The following LANCL1 variants were observed in gnomAD, a reference collection of about 807,000 sequenced individuals.
The protein encoded by LANCL1 is LanC like glutathione S-transferase 1, also known as glutathione S-transferase LANCL1.
LANCL1 carries 50 observed loss-of-function variants against 50.6 expected under a neutral mutation model. That is an observed-to-expected ratio of 0.99 (90% CI 0.79 to 1.25). The LOEUF (loss-of-function observed/expected upper bound fraction) is 1.25. Among genes scored for constraint, LANCL1 ranks in the 50% most tolerant of loss-of-function variants. The pLI, the probability that LANCL1 is intolerant of heterozygous loss-of-function variation, is 0.00. For missense variants in LANCL1, 532 were observed against 480.7 expected (o/e 1.11, Z -1.00); for synonymous variants, 188 against 178.6 (o/e 1.05, Z -0.42).
At position 210,455,599 on chromosome 2, in the gene LANCL1, T is replaced by A. The variant is rs1046293769; in HGVS notation, c.200-285A>T. ...CAATAAAGAGACACACAGCCTATTA[T>A]TAGTCTTTGTTGTACTCTGGTTATT... On this transcript the variant is annotated intron_variant, in intron 3 of 9. Coordinates refer to ENST00000450366, the MANE Select transcript of LANCL1 (RefSeq NM_006055.3). Among the ~76,000 whole-genome samples, 16 of 152,314 alleles carry A rather than the reference T, an allele frequency of 1.1e-4. No homozygotes were observed. In the East Asian group the frequency reaches 3.1e-3, roughly 29 times the overall value.
chr2:210,437,619 G>T, intron 7 of LANCL1, 71 bp downstream of exon 7: 1 of 906,114 alleles, frequency 1.1e-6, no homozygotes, highest in Non-Finnish European at 1.6e-6. Context: ...TTATGGATTA[G>T]GATAAAACTA....
intron 9 of LANCL1, 49 bp downstream of exon 9, chr2:210,435,338 G>T: frequency 7.2e-7 from 1 of 1,396,268 alleles, no homozygotes; most frequent in Non-Finnish European, 1.0e-6. Flanking sequence ...ACCAAGCAGA[G>T]AAGTAGATGC....
intron 4 of LANCL1, among the ~76,000 whole-genome samples, chr2:210,445,903 A>T (rs932670941): frequency 3.3e-5 from 5 of 152,208 alleles, no homozygotes; most frequent in African/African-American, 1.2e-4. Context: ...TGTAACTTTA[A>T]AAACAGATGT....
At chr2:210,451,989 A>G (rs76971282) in intron 4 of LANCL1, among the ~76,000 whole-genome samples, 2,627 of 152,276 alleles carry the variant, frequency 0.017, 40 homozygotes, top group Non-Finnish European at 0.03. Flanking sequence ...AAATTCATAG[A>G]AAAAGTAGAA....
At chr2:210,463,634 C>CT (rs1693942776) in intron 3 of LANCL1, among the ~76,000 whole-genome samples, 1 of 152,030 alleles carries the variant, frequency 6.6e-6, no homozygotes, top group South Asian at 2.1e-4. Flanking sequence ...TTTTATTATT[C>CT]TTTTTTTGAA....
intron 3 of LANCL1, among the ~76,000 whole-genome samples, chr2:210,459,637 C>G (rs981752367): frequency 6.6e-6 from 1 of 152,034 alleles, no homozygotes; most frequent in African/African-American, 2.4e-5. Flanking sequence ...CTCTGAAGAC[C>G]AGGAATAGAT....
rs771054466 is a variant in LANCL1, at chr2:210,472,058, G to T, written c.100C>A (p.Gln34Lys). 4 of 1,613,668 alleles carry T rather than the reference G, an allele frequency of 2.5e-6. No homozygotes were observed. Among genetic ancestry groups the T allele is most frequent in the Admixed American group, 1.7e-5 (1 of 60,010 alleles). Residue 34 changes from glutamine (Q) to lysine (K), a missense_variant, in exon 3 of 10, where the codon CAA (glutamine) becomes AAA (lysine). Coordinates refer to ENST00000450366, the MANE Select transcript of LANCL1 (RefSeq NM_006055.3). ...AAGRLTPEFS[Q>K]RLTNKIRELL... ...TCCCGAATCTTATTGGTCAAGCGTT[G>T]TGAGAACTCAGGAGTCAGCTAGATA... is the stretch of plus-strand genomic sequence containing the variant.
intron 8 of LANCL1, 87 bp from the exon 9 acceptor site, chr2:210,435,546 T>C (rs763440684): frequency 1.2e-5 from 12 of 995,130 alleles, no homozygotes; most frequent in Non-Finnish European, 1.9e-5. Flanking sequence ...CAAATTACTC[T>C]GAAAAATCAA....
chr2:210,455,367 T>C (rs1693641837), intron 3 of LANCL1, 53 bp from the exon 4 acceptor site: 1 of 1,482,620 alleles, frequency 6.7e-7, no homozygotes, highest in Non-Finnish European at 9.2e-7. Flanking sequence ...AGTTATTTTA[T>C]TATTTTTGGC....
At chr2:210,458,821 G>A (rs923045137) in intron 3 of LANCL1, among the ~76,000 whole-genome samples, 15 of 152,040 alleles carry the variant, frequency 9.9e-5, no homozygotes, top group Non-Finnish European at 1.3e-4. Context: ...CACTTAATGA[G>A]AAAAAACATT....
intron 3 of LANCL1, among the ~76,000 whole-genome samples, chr2:210,460,264 T>C (rs1693811750): frequency 6.6e-6 from 1 of 152,148 alleles, no homozygotes; most frequent in African/African-American, 2.4e-5. Flanking sequence ...AAGACTCCCT[T>C]CATGTACTCT....
chr2:210,476,525 C>A (rs761784405), intron 1 of LANCL1, 95 bp downstream of exon 1: 4 of 1,410,284 alleles, frequency 2.8e-6, no homozygotes, highest in Non-Finnish European at 3.7e-6. Context: ...GGCCATCGAG[C>A]CGTCTCGGCG....
intron 3 of LANCL1, among the ~76,000 whole-genome samples, chr2:210,456,048 T>C (rs903186576): frequency 2.6e-4 from 40 of 152,132 alleles, no homozygotes; most frequent in African/African-American, 9.4e-4. Context: ...GCCTGAAATA[T>C]GTAATAGAGG....
At chr2:210,475,670 T>C (rs1694334493) in intron 2 of LANCL1, among the ~76,000 whole-genome samples, 1 of 152,192 alleles carries the variant, frequency 6.6e-6, no homozygotes, top group African/African-American at 2.4e-5. Flanking sequence ...TATTCCCTCT[T>C]AACAATTATG....
chr2:210,471,942 C>A lies in LANCL1; in HGVS notation c.199+17G>T. 6.5e-7 allele frequency: 1 copy of A among 1,539,562 alleles called. No homozygotes were observed. Among genetic ancestry groups the A allele is most frequent in the Non-Finnish European group, 9.0e-7 (1 of 1,111,922 alleles). Reference sequence around the variant, plus strand: ...TAAGCACAATGCTTATGCCAGCTCACAGTCAGCACTTCATACCTGCCCAGC... The same window carrying A: ...TAAGCACAATGCTTATGCCAGCTCAAAGTCAGCACTTCATACCTGCCCAGC... On this transcript the variant is annotated intron_variant, in intron 3 of 9. Coordinates refer to ENST00000450366, the MANE Select transcript of LANCL1 (RefSeq NM_006055.3).
chr2:210,471,526 G>A lies in LANCL1; in HGVS notation c.199+433C>T. 3 of 457,142 alleles carry A rather than the reference G, an allele frequency of 6.6e-6. No individual in the cohort carries two copies. The Admixed American group carries it at 7.0e-5, about 11-fold the overall frequency. The allele number at this position is 457,142 out of a possible 1,614,324, so 28.3% of individuals were successfully genotyped here. A position where few individuals can be genotyped will look rare whatever the true frequency, so the allele number is the denominator to read the frequency against. On this transcript the variant is annotated intron_variant, in intron 3 of 9. Transcript: ENST00000450366. ...CTTTACCCTGTATGGATTCCTGTAT[G>A]GATTCCTGTTACGGGTTAACTTTTT...
At position 210,434,659 on chromosome 2, in the gene LANCL1, C is replaced by A. The variant is rs542718042; in HGVS notation, c.1124-96G>T. ...CCATATCTTTATTGACAAAAAAAGTCACAGCATTTCAGTCTATTCAAACAC... is the reference window on the plus strand; with the variant it reads ...CCATATCTTTATTGACAAAAAAAGTAACAGCATTTCAGTCTATTCAAACAC... On this transcript the variant is annotated intron_variant, in intron 9 of 9. Coordinates refer to ENST00000450366, the MANE Select transcript of LANCL1 (RefSeq NM_006055.3). 3.2e-4 allele frequency: 311 copies of A among 959,856 alleles called. 1 individual carries two copies. The African/African-American group carries it at 4.5e-3, about 14-fold the overall frequency. 59.5% of individuals were successfully genotyped at this position (959,856 alleles called of 1,614,324 possible). A position where few individuals can be genotyped will look rare whatever the true frequency, so the allele number is the denominator to read the frequency against.
chr2:210,463,280 G>C (rs773548027), intron 3 of LANCL1, among the ~76,000 whole-genome samples: 9 of 151,692 alleles, frequency 5.9e-5, no homozygotes, highest in Non-Finnish European at 1.2e-4. Flanking sequence ...GCACGATTTT[G>C]GCTCACTGCA....
intron 4 of LANCL1, among the ~76,000 whole-genome samples, chr2:210,449,245 C>T (rs578071064): frequency 1.6e-4 from 24 of 152,286 alleles, no homozygotes; most frequent in African/African-American, 5.8e-4. Flanking sequence ...GAACCAAAGA[C>T]AAAAACCACA....
Sources: allele counts gnomAD v4.1 joint callset (sites outside exome capture counted in the v4.1 genomes callset), GRCh38; gene constraint gnomAD v4.1.1; transcripts MANE v1.5; gene names NCBI Gene and HGNC (gene_info 2026-07-23, HGNC 2026-07-21).